The following CEMIP2 variants were observed in gnomAD, a reference collection of about 807,000 sequenced individuals.
The protein encoded by CEMIP2 is cell surface hyaluronidase CEMIP2.
In CEMIP2, 79 loss-of-function variants were observed where a neutral mutation model predicts 146.9. The ratio of observed to expected loss-of-function variants is 0.54; its 90% CI spans 0.45 to 0.65. The LOEUF (loss-of-function observed/expected upper bound fraction) is 0.65. Ranked by LOEUF, CEMIP2 falls within the 30% of genes least tolerant of loss-of-function variation. The pLI is 0.00. For synonymous variants in CEMIP2, 601 were observed against 606.3 expected (o/e 0.99, Z 0.13); for missense variants, 1,596 against 1,696.2 (o/e 0.94, Z 1.04).
chr9:71,764,241 A>G (rs1824721849), intron 1 of CEMIP2, among the ~76,000 whole-genome samples: 1 of 152,218 alleles, frequency 6.6e-6, no homozygotes. Flanking sequence ...GAAATTTGTT[A>G]CAAGTAACAT....
chr9:71,725,877 G>A (rs1823369389), intron 10 of CEMIP2, among the ~76,000 whole-genome samples, 168 bp from the exon 11 acceptor site: 1 of 152,118 alleles, frequency 6.6e-6, no homozygotes, highest in South Asian at 2.1e-4. Flanking sequence ...TCTCAAAGTG[G>A]TTATATCATG....
intron 6 of CEMIP2, 24 bp downstream of exon 6, chr9:71,734,782 G>A: frequency 1.9e-6 from 3 of 1,550,526 alleles, no homozygotes; most frequent in Non-Finnish European, 2.6e-6. Flanking sequence ...TGTTTCCCAA[G>A]AAGTACTCTA....
chr9:71,700,834 A>G lies in CEMIP2; in HGVS notation c.3195-10T>C, dbSNP rs1822538559. 5 of 1,596,308 alleles carry G rather than the reference A, an allele frequency of 3.1e-6. No individual in the cohort carries two copies. The East Asian group carries it at 1.1e-4, about 36-fold the overall frequency. On this transcript the variant is annotated splice_polypyrimidine_tract_variant and intron_variant, in intron 18 of 23. Coordinates refer to ENST00000377044, the MANE Select transcript of CEMIP2 (RefSeq NM_013390.3). ...TCGAATCCAGTCATTCCTTTAAAGG[A>G]GAAACATAAAAAAATTAGTTTACAC... is the stretch of plus-strand genomic sequence containing the variant.
chr9:71,685,395 TAA>T lies in CEMIP2; in HGVS notation c.3956-4_3956-3del, dbSNP rs36080695. 2.9e-3 allele frequency: 3,413 copies of T among 1,172,776 alleles called. No individual in the cohort carries two copies. The highest frequency in any genetic ancestry group is 9.4e-3 in the South Asian group (323 of 34,478). 72.6% of individuals were successfully genotyped at this position (1,172,776 alleles called of 1,614,324 possible). ...TGAATCCCAAAAATATGGTACTCCCTAAAAAAAAAAAAAAAAAAGAAAAAGAA... is the reference window on the plus strand; with the variant it reads ...TGAATCCCAAAAATATGGTACTCCCTAAAAAAAAAAAAAAAAGAAAAAGAA... On this transcript the variant is annotated splice_region_variant and splice_polypyrimidine_tract_variant and intron_variant, in intron 23 of 23. Coordinates refer to ENST00000377044, the MANE Select transcript of CEMIP2 (RefSeq NM_013390.3).
chr9:71,737,031 G>A (rs1364224489), intron 5 of CEMIP2, among the ~76,000 whole-genome samples: 2 of 151,744 alleles, frequency 1.3e-5, no homozygotes, highest in Non-Finnish European at 2.9e-5. Context: ...TTAGCCAGGT[G>A]TGGTGGTGCA....
At chr9:71,711,405 A>AG (rs1056681106) in intron 16 of CEMIP2, among the ~76,000 whole-genome samples, 5 of 151,396 alleles carry the variant, frequency 3.3e-5, no homozygotes, top group Non-Finnish European at 5.9e-5. Flanking sequence ...TAAAAAAAAA[A>AG]AAAAATTTTT....
chr9:71,698,608 TG>T (rs1256545112), intron 19 of CEMIP2, among the ~76,000 whole-genome samples: 6 of 149,086 alleles, frequency 4.0e-5, no homozygotes, highest in African/African-American at 1.2e-4. Flanking sequence ...TAAATCATTT[TG>T]GTTAAGGCAT....
Position 71,718,024 on chromosome 9 carries a change from C to T in CEMIP2, c.2323G>A (p.Asp775Asn). The T allele has an allele frequency of 1.2e-6, 2 of 1,613,070 alleles. No individual in the cohort carries two copies. ...TTATTTTTAAAAGCAATGAGCCTGT[C>T]AATTAGAGCAGCAACACGTGGTTTT... The part of the protein sequence containing the change: ...PEKPRVAALI[D>N]RLIAFKNNDN... Residue 775 changes from aspartate (D) to asparagine (N), a missense_variant, in exon 13 of 24, where the codon GAC becomes AAC. Asp to Asn is a conservative substitution (Grantham distance 23, BLOSUM62 1). Transcript: ENST00000377044.
chr9:71,737,014 C>A (rs1647001392), intron 5 of CEMIP2, among the ~76,000 whole-genome samples: 1 of 151,666 alleles, frequency 6.6e-6, no homozygotes, highest in African/African-American at 2.4e-5. Context: ...ACAAAAAAAT[C>A]AAAAACTTAG....
chr9:71,716,205 CCTA>C (rs558901155), intron 14 of CEMIP2, among the ~76,000 whole-genome samples: 12 of 152,036 alleles, frequency 7.9e-5, no homozygotes, highest in African/African-American at 2.9e-4. Context: ...TAATTTTCTC[CCTA>C]CTTTTACTCC....
chr9:71,734,392 T>C (rs772380800), intron 6 of CEMIP2, among the ~76,000 whole-genome samples: 2 of 151,934 alleles, frequency 1.3e-5, no homozygotes, highest in African/African-American at 4.8e-5. Context: ...TCAGGAAAAA[T>C]AGCTAATGCA....
chr9:71,718,796 C>T (rs1198607682), intron 12 of CEMIP2, among the ~76,000 whole-genome samples: 1 of 152,044 alleles, frequency 6.6e-6, no homozygotes, highest in Non-Finnish European at 1.5e-5. Flanking sequence ...AGGCTGGTCT[C>T]GAACTCCTGA....
intron 17 of CEMIP2, among the ~76,000 whole-genome samples, chr9:71,705,577 A>G (rs1822708798): frequency 6.6e-6 from 1 of 152,108 alleles, no homozygotes; most frequent in Non-Finnish European, 1.5e-5. Flanking sequence ...AATCTTATCC[A>G]TATTGACTCC....
intron 1 of CEMIP2, among the ~76,000 whole-genome samples, chr9:71,765,069 A>G (rs556597322): frequency 2.8e-4 from 42 of 152,268 alleles, no homozygotes; most frequent in African/African-American, 9.6e-4. Context: ...TAGACAGCCC[A>G]TTCTTCTCAC....
intron 17 of CEMIP2, chr9:71,705,051 G>T: frequency 2.2e-6 from 1 of 454,350 alleles, no homozygotes; most frequent in South Asian, 2.9e-5. Context: ...ACCACTACAG[G>T]CCAGCTTATT....
chr9:71,746,084 G>C, intron 3 of CEMIP2, 117 bp downstream of exon 3: 1 of 1,131,558 alleles, frequency 8.8e-7, no homozygotes, highest in Non-Finnish European at 1.2e-6. Flanking sequence ...TGGTTAGAGT[G>C]ACACCACAAA....
chr9:71,723,419 G>A (rs1384005583), intron 11 of CEMIP2, among the ~76,000 whole-genome samples: 1 of 151,028 alleles, frequency 6.6e-6, no homozygotes, highest in Non-Finnish European at 1.5e-5. Context: ...GAGAAATAAA[G>A]ATGATCTAGA....
chr9:71,696,566 T>G (rs1822410294), intron 20 of CEMIP2, among the ~76,000 whole-genome samples: 1 of 150,986 alleles, frequency 6.6e-6, no homozygotes, highest in Non-Finnish European at 1.5e-5. Flanking sequence ...AGGTCAGGAG[T>G]TAGAGACTGG....
intron 16 of CEMIP2, among the ~76,000 whole-genome samples, chr9:71,710,981 G>A (rs79329809): frequency 3.9e-5 from 6 of 152,308 alleles, no homozygotes; most frequent in African/African-American, 1.4e-4. Context: ...GTTTGTGGGT[G>A]GATGTGAATG....
Sources: gnomAD v4.1 joint callset for allele counts (sites outside exome capture counted in the v4.1 genomes callset) on GRCh38, gnomAD v4.1.1 for gene constraint, MANE v1.5 for transcripts, NCBI Gene and HGNC (gene_info 2026-07-23, HGNC 2026-07-21) for gene names.